The following SEPTIN9 variants were observed in gnomAD, a reference collection of about 807,000 sequenced individuals.
The protein encoded by SEPTIN9 is septin-9.
A neutral mutation model predicts 56.6 loss-of-function variants in SEPTIN9; 13 were observed. The observed-to-expected ratio is 0.23, with a 90% CI of 0.15 to 0.37. The LOEUF is 0.37. Ranked by LOEUF, SEPTIN9 falls within the 10% of genes least tolerant of loss-of-function variation. SEPTIN9 has a pLI of 1.00. For synonymous variants in SEPTIN9, 332 were observed against 334.1 expected, an observed-to-expected ratio of 0.99 and a Z score of 0.07; for missense variants, 650 against 823.1, an observed-to-expected ratio of 0.79 and a Z score of 2.57.
Position 77,317,229 on chromosome 17 carries a change from C to T in SEPTIN9, c.76+10032C>T, listed in dbSNP as rs1259875825. 1.3e-5 allele frequency among the ~76,000 whole-genome samples: 2 copies of T among 152,194 alleles called. No homozygotes were observed. The highest frequency in any genetic ancestry group is 2.1e-4 in the South Asian group (1 of 4,824). ...CTCACAGCTCTGCAGGCCACACATC[C>T]GAGATCAGGGTCACCAGGCTGAAAT... On this transcript the variant is annotated intron_variant, in intron 2 of 11. Coordinates refer to ENST00000427177, the MANE Select transcript of SEPTIN9 (RefSeq NM_001113491.2). The surrounding 1 kb of genome is among the most constrained non-coding windows in gnomAD (Gnocchi z 4.2).
At chr17:77,490,917 C>T in intron 8 of SEPTIN9, 58 bp downstream of exon 8, 1 of 1,333,670 alleles carries the variant, frequency 7.5e-7, no homozygotes, top group Non-Finnish European at 1.1e-6. Context: ...ACGCTGCAGG[C>T]CTGGCAGGGG....
In SEPTIN9 at chr17:77,456,698, C is replaced by G. The variant is rs1379479667; in HGVS notation, c.722-25446C>G. Among the ~76,000 whole-genome samples the G allele has an allele frequency of 6.6e-6, 1 of 151,844 alleles. No homozygotes were observed. Among genetic ancestry groups the G allele is most frequent in the African/African-American group, 2.4e-5 (1 of 41,330 alleles). On this transcript the variant is annotated intron_variant, in intron 3 of 11. Transcript: ENST00000427177. This position sits in a 1 kb window ranked among gnomAD's most constrained non-coding sequence, Gnocchi z 6.0. ...CTCAGGGACCAGCACCGGGTACCCACAGCCAGGGACGGGCCCCCATGGCCA... is the reference window on the plus strand; with the variant it reads ...CTCAGGGACCAGCACCGGGTACCCAGAGCCAGGGACGGGCCCCCATGGCCA...
At chr17:77,396,650 G>A (rs546130875) in intron 2 of SEPTIN9, among the ~76,000 whole-genome samples, 29 of 152,274 alleles carry the variant, frequency 1.9e-4, no homozygotes, top group South Asian at 1.5e-3. Context: ...ACTCTGATGG[G>A]GGAGGAGATG....
rs746449596 is a variant in SEPTIN9, at chr17:77,402,246, G to T, written c.264G>T (p.Ala88=). The T allele has an allele frequency of 6.2e-7, 1 of 1,613,106 alleles. No individual in the cohort carries two copies. Among genetic ancestry groups the T allele is most frequent in the Non-Finnish European group, 8.5e-7 (1 of 1,179,864 alleles). ...CCCTAAGCCAACGCTCCCCCAAGGC[G>T]TCCCTGCGGAGGGTGGAGCTCTCGG... ...VDSLSQRSPK[A]SLRRVELSGP... The change falls in exon 3 of 12, where the codon GCG becomes GCT. Residue 88 remains alanine (A), a synonymous_variant. Transcript: ENST00000427177. This position sits in a 1 kb window ranked among gnomAD's most constrained non-coding sequence, Gnocchi z 6.6.
intron 2 of SEPTIN9, among the ~76,000 whole-genome samples, chr17:77,328,872 C>T (rs1219816013): frequency 1.3e-5 from 2 of 152,178 alleles, no homozygotes; most frequent in Non-Finnish European, 2.9e-5. Context: ...GGGTGCATAT[C>T]TGTGTGTGTG....
chr17:77,372,034 G>A (rs1212772288), intron 2 of SEPTIN9, among the ~76,000 whole-genome samples: 1 of 152,120 alleles, frequency 6.6e-6, no homozygotes, highest in African/African-American at 2.4e-5. Context: ...AGTGGGCAGC[G>A]AGCGACCTCA....
At chr17:77,490,188 G>A (rs901424027) in intron 7 of SEPTIN9, among the ~76,000 whole-genome samples, 1 of 152,238 alleles carries the variant, frequency 6.6e-6, no homozygotes, top group African/African-American at 2.4e-5. Context: ...TGTGGGAAAA[G>A]CTCGGCTCCA....
intron 2 of SEPTIN9, among the ~76,000 whole-genome samples, chr17:77,399,361 A>G (rs312864): frequency 0.26 from 38,870 of 152,000 alleles, 6,363 homozygotes; most frequent in East Asian, 0.88. Context: ...CTCCAACTTG[A>G]CCGCACGGAA....
chr17:77,453,302 C>T lies in SEPTIN9; in HGVS notation c.722-28842C>T, dbSNP rs1598398554. Reference sequence around the variant, plus strand: ...CAAGCACTGTGGTCAGACCAGCATTCCATGTCAAAAATGGCCTTGTTGGCC... The same window carrying T: ...CAAGCACTGTGGTCAGACCAGCATTTCATGTCAAAAATGGCCTTGTTGGCC... On this transcript the variant is annotated intron_variant, in intron 3 of 11. Coordinates refer to ENST00000427177, the MANE Select transcript of SEPTIN9 (RefSeq NM_001113491.2). This position sits in a 1 kb window ranked among gnomAD's most constrained non-coding sequence, Gnocchi z 4.4. Among the ~76,000 whole-genome samples, 2 of 152,136 alleles carry T rather than the reference C, an allele frequency of 1.3e-5. No homozygotes were observed. Among genetic ancestry groups the T allele is most frequent in the East Asian group, 3.9e-4 (2 of 5,192 alleles).
At chr17:77,378,691 G>A (rs1473173934) in intron 2 of SEPTIN9, among the ~76,000 whole-genome samples, 1 of 152,198 alleles carries the variant, frequency 6.6e-6, no homozygotes, top group Non-Finnish European at 1.5e-5. Flanking sequence ...CCGCCTGGGG[G>A]TCCCTCTGAG....
intron 1 of SEPTIN9, among the ~76,000 whole-genome samples, chr17:77,294,123 CA>C (rs1395523122): frequency 1.7e-5 from 2 of 121,092 alleles, no homozygotes; most frequent in Non-Finnish European, 1.8e-5. Flanking sequence ...AAAAAAACAA[CA>C]AAAAAAAACA....
chr17:77,370,799 T>C (rs189848315), intron 2 of SEPTIN9, among the ~76,000 whole-genome samples: 39 of 152,288 alleles, frequency 2.6e-4, no homozygotes, highest in African/African-American at 9.1e-4. Flanking sequence ...GCCTCCTCAC[T>C]ATCCTGTAGC....
chr17:77,340,937 C>T (rs2033705599), intron 2 of SEPTIN9, among the ~76,000 whole-genome samples: 1 of 152,238 alleles, frequency 6.6e-6, no homozygotes, highest in Non-Finnish European at 1.5e-5. Flanking sequence ...CTTCTCTTAG[C>T]CTTCATACCA....
chr17:77,470,539 C>T (rs1251848320), intron 3 of SEPTIN9, among the ~76,000 whole-genome samples: 3 of 152,122 alleles, frequency 2.0e-5, no homozygotes, highest in African/African-American at 7.2e-5. Flanking sequence ...TCCACTCATC[C>T]ACCAATTCAC....
At chr17:77,382,139 T>G (rs1241382132) in intron 2 of SEPTIN9, among the ~76,000 whole-genome samples, 2 of 152,204 alleles carry the variant, frequency 1.3e-5, no homozygotes, top group African/African-American at 4.8e-5. Flanking sequence ...GCGATTCTCC[T>G]GCCTCAGCCT....
At chr17:77,344,945 T>C (rs9912482) in intron 2 of SEPTIN9, among the ~76,000 whole-genome samples, 144,766 of 144,766 alleles carry the variant, frequency 1, 72,383 homozygotes, top group Non-Finnish European at 1. Flanking sequence ...GCACTCCAGC[T>C]TGGGCGACAG....
At chr17:77,364,925 C>A (rs138506379) in intron 2 of SEPTIN9, among the ~76,000 whole-genome samples, 29 of 152,354 alleles carry the variant, frequency 1.9e-4, no homozygotes, top group South Asian at 6.2e-4. Flanking sequence ...TCTTCACAAC[C>A]ACCACTGGAT....
chr17:77,337,750 G>C (rs557286389), intron 2 of SEPTIN9, among the ~76,000 whole-genome samples: 1 of 152,242 alleles, frequency 6.6e-6, no homozygotes, highest in South Asian at 2.1e-4. Context: ...TACTTTGAAG[G>C]AATTTGTCCC....
At position 77,435,474 on chromosome 17, in the gene SEPTIN9, G is replaced by A. The variant is rs2037302988; in HGVS notation, c.721+32771G>A. On this transcript the variant is annotated intron_variant, in intron 3 of 11. Coordinates refer to ENST00000427177, the MANE Select transcript of SEPTIN9 (RefSeq NM_001113491.2). The surrounding 1 kb of genome is among the most constrained non-coding windows in gnomAD (Gnocchi z 4.5). Reference sequence around the variant, plus strand: ...AGCCTGTGCTCAGGCAGGGGGAGAAGTAGAGCAACCATGCCGGGCGGGTCG... The same window carrying A: ...AGCCTGTGCTCAGGCAGGGGGAGAAATAGAGCAACCATGCCGGGCGGGTCG... 6.6e-6 allele frequency among the ~76,000 whole-genome samples: 1 copy of A among 152,194 alleles called. No individual in the cohort carries two copies. The highest frequency in any genetic ancestry group is 1.5e-5 in the Non-Finnish European group (1 of 68,034).
Sources: allele counts gnomAD v4.1 joint callset (sites outside exome capture counted in the v4.1 genomes callset), GRCh38; gene constraint gnomAD v4.1.1; non-coding constraint Gnocchi (gnomAD v3.1); transcripts MANE v1.5; gene names NCBI Gene and HGNC (gene_info 2026-07-23, HGNC 2026-07-21).